Variants in CAMK2B observed in about 807,000 individuals in gnomAD.
CAMK2B encodes calcium/calmodulin-dependent protein kinase type II subunit beta.
CAMK2B carries 27 observed loss-of-function variants against 93.7 expected under a neutral mutation model. The observed-to-expected ratio is 0.29, with a 90% CI of 0.21 to 0.40. The LOEUF (loss-of-function observed/expected upper bound fraction) is 0.40. Ranked by LOEUF, CAMK2B falls within the 10% of genes least tolerant of loss-of-function variation. The pLI is 1.00. For synonymous variants in CAMK2B, 374 were observed against 358.8 expected (o/e 1.04, Z -0.48); for missense variants, 568 against 895.8 (o/e 0.63, Z 4.67).
intron 1 of CAMK2B, among the ~76,000 whole-genome samples, chr7:44,320,868 G>A (rs541024043): frequency 6.6e-6 from 1 of 152,278 alleles, no homozygotes; most frequent in African/African-American, 2.4e-5. Context: ...ATGGCAGGGA[G>A]CCGGACCTCC....
In CAMK2B at chr7:44,325,549, G is replaced by C. The variant is rs1282500249; in HGVS notation, c.-128C>G. 1 of 390,628 alleles carries C rather than the reference G, an allele frequency of 2.6e-6. No homozygotes were observed. The highest frequency in any genetic ancestry group is 3.5e-6 in the Non-Finnish European group (1 of 288,974). The allele number at this position is 390,628 out of a possible 1,614,324, so 24.2% of individuals were successfully genotyped here. ...GACACCTCGGCTCGCGGCGCCAGGC[G>C]GGGGCCGGGCTGGGCTGCGCCGGGC... On this transcript the variant is annotated 5_prime_UTR_variant, in exon 1 of 24. Transcript: ENST00000395749.
At chr7:44,252,883 A>C (rs956529450) in intron 5 of CAMK2B, among the ~76,000 whole-genome samples, 2 of 152,246 alleles carry the variant, frequency 1.3e-5, no homozygotes, top group Non-Finnish European at 2.9e-5. Flanking sequence ...CCTCCACTCC[A>C]AGGGCACAGG....
At chr7:44,284,029 GC>G (rs1011097233) in intron 2 of CAMK2B, 101 bp downstream of exon 2, 106 of 816,934 alleles carry the variant, frequency 1.3e-4, no homozygotes, top group Middle Eastern at 6.5e-4. Context: ...CCAAGTGCTG[GC>G]CAAGACTGGG....
At chr7:44,232,648 G>A (rs562342384) in intron 16 of CAMK2B, among the ~76,000 whole-genome samples, 174 bp downstream of exon 16, 2 of 152,352 alleles carry the variant, frequency 1.3e-5, no homozygotes, top group East Asian at 1.9e-4. Flanking sequence ...GCCTGAGCCA[G>A]TCTGTCCTGT....
At chr7:44,249,201 C>G (rs1299380165) in intron 5 of CAMK2B, among the ~76,000 whole-genome samples, 1 of 152,184 alleles carries the variant, frequency 6.6e-6, no homozygotes, top group African/African-American at 2.4e-5. Flanking sequence ...AGCATCTGTT[C>G]CTTTGAATGG....
At chr7:44,268,745 G>A (rs528357445) in intron 2 of CAMK2B, 1 of 152,362 alleles carries the variant, frequency 6.6e-6, no homozygotes, top group Non-Finnish European at 1.5e-5. Flanking sequence ...CTGGTGGGTT[G>A]GCAGCTGGCA....
intron 2 of CAMK2B, among the ~76,000 whole-genome samples, chr7:44,273,572 G>A (rs1367491658): frequency 2.0e-5 from 3 of 151,952 alleles, no homozygotes; most frequent in South Asian, 2.1e-4. Flanking sequence ...CCCCACCCCC[G>A]ACACATACAC....
chr7:44,276,433 C>A (rs11766580), intron 2 of CAMK2B, among the ~76,000 whole-genome samples: 6 of 152,280 alleles, frequency 3.9e-5, no homozygotes, highest in Admixed American at 3.9e-4. Context: ...AGCACCCCCC[C>A]GCCACCCACT....
chr7:44,233,040 G>C (rs1356081250), intron 15 of CAMK2B, among the ~76,000 whole-genome samples, 174 bp from the exon 16 acceptor site: 1 of 152,096 alleles, frequency 6.6e-6, no homozygotes, highest in African/African-American at 2.4e-5. Flanking sequence ...TGGAGCAGCT[G>C]GGGGAGGAGC....
intron 2 of CAMK2B, among the ~76,000 whole-genome samples, chr7:44,279,809 G>A (rs1414561917): frequency 1.3e-5 from 2 of 152,210 alleles, no homozygotes; most frequent in African/African-American, 2.4e-5. Flanking sequence ...TAATTTAGAG[G>A]AGCTATGTAA....
intron 2 of CAMK2B, among the ~76,000 whole-genome samples, chr7:44,274,540 T>C (rs2097013260): frequency 6.6e-6 from 1 of 152,218 alleles, no homozygotes; most frequent in Non-Finnish European, 1.5e-5. Flanking sequence ...CCCGGGCACC[T>C]GGGCACTCCG....
At chr7:44,234,357 G>A (rs2096605984) in intron 15 of CAMK2B, 33 bp downstream of exon 15, 1 of 1,480,384 alleles carries the variant, frequency 6.8e-7, no homozygotes, top group Non-Finnish European at 9.0e-7. Flanking sequence ...GGCGTAGGAG[G>A]GGCTGAGAGG....
At chr7:44,251,567 C>G (rs2096781071) in intron 5 of CAMK2B, among the ~76,000 whole-genome samples, 1 of 152,248 alleles carries the variant, frequency 6.6e-6, no homozygotes, top group African/African-American at 2.4e-5. Context: ...TCCCCTCTCC[C>G]ACTCAGCCTC....
chr7:44,229,399 AG>A lies in CAMK2B; in HGVS notation c.1327del (p.Leu443CysfsTer12), dbSNP rs1398090277. 6.6e-7 allele frequency: 1 copy of A among 1,521,312 alleles called. No individual in the cohort carries two copies. The highest frequency in any genetic ancestry group is 8.8e-7 in the Non-Finnish European group (1 of 1,134,498). 94.2% of individuals were successfully genotyped at this position (1,521,312 alleles called of 1,614,324 possible). A position where few individuals can be genotyped will look rare whatever the true frequency, so the allele number is the denominator to read the frequency against. ...PCPSPAPFSP[L>X]PAPSPRISDI... ...CCCAGGCTACTTACATGGGGCTGGC[AG>A]GGGGCTAAAGGGAGCCGGAGATGGG... On this transcript the variant is annotated frameshift_variant, in exon 18 of 24. Coordinates refer to ENST00000395749, the MANE Select transcript of CAMK2B (RefSeq NM_001220.5). LOFTEE classifies it high-confidence loss of function.
Position 44,271,834 on chromosome 7 carries a change from C to T in CAMK2B, c.161-8770G>A, listed in dbSNP as rs553688073. The stretch of plus-strand genomic sequence containing the variant: ...CTGAAAGGAGGCCATGGGCAGGTCC[C>T]GGCCATTCCTCCTAAAAGGAAAACT... On this transcript the variant is annotated intron_variant, in intron 2 of 23. Transcript: ENST00000395749. This position sits in a 1 kb window ranked among gnomAD's most constrained non-coding sequence, Gnocchi z 4.2. Among the ~76,000 whole-genome samples, 9 of 152,340 alleles carry T rather than the reference C, an allele frequency of 5.9e-5. No homozygotes were observed. Among genetic ancestry groups the T allele is most frequent in the African/African-American group, 1.7e-4 (7 of 41,584 alleles).
intron 17 of CAMK2B, 62 bp from the exon 18 acceptor site, chr7:44,229,563 G>A: frequency 1.3e-6 from 1 of 744,360 alleles, no homozygotes. Flanking sequence ...GAAGGCAACT[G>A]GAGAAGGACA....
At chr7:44,287,333 T>C (rs1292091063) in intron 1 of CAMK2B, among the ~76,000 whole-genome samples, 2 of 152,134 alleles carry the variant, frequency 1.3e-5, no homozygotes, top group Non-Finnish European at 2.9e-5. Flanking sequence ...ATTTGCCCGC[T>C]TTACCCACCA....
intron 13 of CAMK2B, among the ~76,000 whole-genome samples, chr7:44,235,647 C>T (rs111480940): frequency 0.01 from 1,596 of 152,326 alleles, 24 homozygotes; most frequent in African/African-American, 0.036. Flanking sequence ...GCCCAGGACT[C>T]ACAGGTCACC....
At chr7:44,319,314 T>TAGAAGAGA (rs1795505043) in intron 1 of CAMK2B, among the ~76,000 whole-genome samples, 2 of 152,202 alleles carry the variant, frequency 1.3e-5, no homozygotes, top group Non-Finnish European at 2.9e-5. Context: ...CATTGCACAC[T>TAGAAGAGA]TATCTCCACC....
Sources: allele counts gnomAD v4.1 joint callset (sites outside exome capture counted in the v4.1 genomes callset), GRCh38; gene constraint gnomAD v4.1.1; non-coding constraint Gnocchi (gnomAD v3.1); transcripts MANE v1.5; gene names NCBI Gene and HGNC (gene_info 2026-07-23, HGNC 2026-07-21).